ATRNL1: variants seen among roughly 807,000 people sequenced by gnomAD.
ATRNL1 encodes the protein attractin-like protein 1.
A neutral mutation model predicts 182.7 loss-of-function variants in ATRNL1; 95 were observed. That is an observed-to-expected ratio of 0.52 (90% confidence interval 0.44 to 0.62). The LOEUF (loss-of-function observed/expected upper bound fraction) is 0.62, where lower values mean the gene tolerates loss of function less well. Among genes scored for constraint, ATRNL1 ranks in the 20% least tolerant of loss-of-function variants. The probability of loss-of-function intolerance (pLI) is 0.00; values close to 1 mark genes in which losing one functional copy is unlikely to be tolerated. For missense variants in ATRNL1, 1,471 were observed against 1,679.5 expected (o/e 0.88, Z 2.17); for synonymous variants, 576 against 568.3 (o/e 1.01, Z -0.19).
intron 21 of ATRNL1, among the ~76,000 whole-genome samples, chr10:115,448,794 G>A (rs1490806813): frequency 6.6e-6 from 1 of 151,668 alleles, no homozygotes; most frequent in Non-Finnish European, 1.5e-5. Flanking sequence ...ACTTATTTTT[G>A]CAGTTGAAAG....
At chr10:115,377,934 A>C (rs960071483) in intron 19 of ATRNL1, among the ~76,000 whole-genome samples, 1 of 152,112 alleles carries the variant, frequency 6.6e-6, no homozygotes, top group African/African-American at 2.4e-5. Context: ...ATGAGGGTTC[A>C]GAGTTAACAG....
At chr10:115,369,704 G>T (rs781788471) in intron 19 of ATRNL1, among the ~76,000 whole-genome samples, 1 of 152,032 alleles carries the variant, frequency 6.6e-6, no homozygotes, top group Non-Finnish European at 1.5e-5. Context: ...ATGTACAAAG[G>T]TTCCCTTTTT....
chr10:115,470,775 G>T (rs1266655879), intron 24 of ATRNL1, among the ~76,000 whole-genome samples: 3 of 150,402 alleles, frequency 2.0e-5, no homozygotes, highest in Admixed American at 6.7e-5. Flanking sequence ...AATACAGTGT[G>T]GAAAATAATT....
chr10:115,336,036 G>A (rs1427546745), intron 19 of ATRNL1, among the ~76,000 whole-genome samples: 3 of 152,022 alleles, frequency 2.0e-5, no homozygotes, highest in Non-Finnish European at 4.4e-5. Context: ...TATATCCTAG[G>A]CACCGTACTA....
At chr10:115,766,005 A>G (rs1948850862) in intron 27 of ATRNL1, among the ~76,000 whole-genome samples, 1 of 152,154 alleles carries the variant, frequency 6.6e-6, no homozygotes, top group Non-Finnish European at 1.5e-5. Context: ...AGATCTTATC[A>G]TCATCTAACA....
At chr10:115,264,481 C>A (rs1851522842) in intron 10 of ATRNL1, among the ~76,000 whole-genome samples, 1 of 151,488 alleles carries the variant, frequency 6.6e-6, no homozygotes, top group South Asian at 2.1e-4. Flanking sequence ...ATCTAAAACA[C>A]TGTATTGAGA....
chr10:115,451,999 A>T (rs578257306), intron 21 of ATRNL1, among the ~76,000 whole-genome samples: 1 of 152,192 alleles, frequency 6.6e-6, no homozygotes, highest in African/African-American at 2.4e-5. Context: ...TAGCAAACCA[A>T]TGCAGGTACA....
intron 28 of ATRNL1, among the ~76,000 whole-genome samples, chr10:115,886,618 G>C (rs1167487962): frequency 6.6e-6 from 1 of 152,130 alleles, no homozygotes; most frequent in Non-Finnish European, 1.5e-5. Context: ...TTGTAGATTT[G>C]TTTTACATTT....
intron 27 of ATRNL1, among the ~76,000 whole-genome samples, chr10:115,790,623 T>C (rs1171845549): frequency 1.3e-5 from 2 of 150,586 alleles, no homozygotes; most frequent in African/African-American, 5.0e-5. Flanking sequence ...TTTAGAAACT[T>C]GTAACTTGAC....
chr10:115,730,216 CACT>C (rs1406996936), intron 27 of ATRNL1, among the ~76,000 whole-genome samples: 2 of 128,538 alleles, frequency 1.6e-5, no homozygotes, highest in African/African-American at 6.1e-5. Flanking sequence ...AAGATTGCAC[CACT>C]GCACTCCAGC....
intron 28 of ATRNL1, among the ~76,000 whole-genome samples, chr10:115,879,313 A>AAAAAAAAAAC (rs1951772513): frequency 2.0e-5 from 3 of 146,634 alleles, no homozygotes; most frequent in South Asian, 2.1e-4. Flanking sequence ...CTCAAAAAAA[A>AAAAAAAAAAC]AAGAAAGAAA....
At chr10:115,900,470 G>A (rs1179459689) in intron 28 of ATRNL1, among the ~76,000 whole-genome samples, 1 of 152,142 alleles carries the variant, frequency 6.6e-6, no homozygotes, top group Non-Finnish European at 1.5e-5. Context: ...CAAAACAGGA[G>A]ATAATATTTT....
intron 26 of ATRNL1, among the ~76,000 whole-genome samples, chr10:115,575,727 A>G (rs986924867): frequency 1.3e-5 from 2 of 152,238 alleles, no homozygotes; most frequent in Admixed American, 6.6e-5. Context: ...GATTATTATA[A>G]GTAAGCTCTT....
rs151286817 is a variant in ATRNL1 at position 115,555,855 on chromosome 10, A to G, written c.3795+6319A>G. Among the ~76,000 whole-genome samples, 816 of 152,172 alleles carry G rather than the reference A, an allele frequency of 5.4e-3. 4 individuals are homozygous for G. Among genetic ancestry groups the G allele is most frequent in the Non-Finnish European group, 8.4e-3 (571 of 67,886 alleles). On this transcript the variant is annotated intron_variant, in intron 26 of 28. Coordinates refer to ENST00000355044, the MANE Select transcript of ATRNL1 (RefSeq NM_207303.4). ...GTCAAATAATGGGCAAGTTGAGAGA[A>G]CATGATCTAACATTTTAAGTTAGGC...
intron 26 of ATRNL1, among the ~76,000 whole-genome samples, chr10:115,673,988 C>T (rs1190361086): frequency 6.6e-6 from 1 of 152,060 alleles, no homozygotes; most frequent in Non-Finnish European, 1.5e-5. Context: ...TACGAGCCAG[C>T]ACTACACTTA....
intron 26 of ATRNL1, among the ~76,000 whole-genome samples, chr10:115,609,380 C>A (rs1555018352): frequency 6.6e-6 from 1 of 152,174 alleles, no homozygotes; most frequent in Middle Eastern, 3.4e-3. Flanking sequence ...AGAAGTTACA[C>A]CCACAGGGAA....
intron 25 of ATRNL1, among the ~76,000 whole-genome samples, chr10:115,547,280 AT>A (rs199666562): frequency 0.041 from 6,040 of 148,804 alleles, 365 homozygotes; most frequent in African/African-American, 0.14. Context: ...ATATATATAT[AT>A]AAATATATAT....
intron 24 of ATRNL1, among the ~76,000 whole-genome samples, chr10:115,502,383 A>T (rs546543416): frequency 6.6e-6 from 1 of 152,260 alleles, no homozygotes; most frequent in Non-Finnish European, 1.5e-5. Context: ...AAAGGTTTAA[A>T]ACACTTGATA....
intron 26 of ATRNL1, among the ~76,000 whole-genome samples, chr10:115,666,993 G>C (rs181382174): frequency 6.6e-6 from 1 of 152,130 alleles, no homozygotes; most frequent in Non-Finnish European, 1.5e-5. Flanking sequence ...AATACATGCA[G>C]TTTAGGGACT....
Sources: gnomAD v4.1 joint callset for allele counts (sites outside exome capture counted in the v4.1 genomes callset) on GRCh38, gnomAD v4.1.1 for gene constraint, MANE v1.5 for transcripts, NCBI Gene and HGNC (gene_info 2026-07-23, HGNC 2026-07-21) for gene names.